The following MDGA2 variants were observed in gnomAD, a reference collection of about 807,000 sequenced individuals.
MDGA2 encodes the protein MAM domain containing glycosylphosphatidylinositol anchor 2.
A neutral mutation model predicts 117.8 loss-of-function variants in MDGA2; 40 were observed. The observed-to-expected ratio is 0.34, with a 90% CI of 0.26 to 0.44. The LOEUF is 0.44. Ranked by LOEUF, MDGA2 falls within the 20% of genes least tolerant of loss-of-function variation. The pLI is 1.00. For missense variants in MDGA2, 1,123 were observed against 1,250.6 expected (o/e 0.90, Z 1.54); for synonymous variants, 452 against 439.0 (o/e 1.03, Z -0.37).
At chr14:47,651,285 T>C (rs1029073266) in intron 1 of MDGA2, among the ~76,000 whole-genome samples, 47 of 151,974 alleles carry the variant, frequency 3.1e-4, no homozygotes, top group African/African-American at 1.1e-3. Context: ...CATATCCTAT[T>C]GGTTCTGTTT....
At chr14:47,349,510 C>T (rs947700430) in intron 1 of MDGA2, among the ~76,000 whole-genome samples, 2 of 152,146 alleles carry the variant, frequency 1.3e-5, no homozygotes, top group Admixed American at 6.5e-5. Context: ...TCCCTATTTA[C>T]AAAATTATAT....
intron 1 of MDGA2, among the ~76,000 whole-genome samples, chr14:47,506,501 T>C (rs1035277894): frequency 6.6e-6 from 1 of 152,162 alleles, no homozygotes; most frequent in African/African-American, 2.4e-5. Context: ...TCTTTTCCTT[T>C]ATAGGCTGGA....
chr14:47,485,482 A>G lies in MDGA2; in HGVS notation c.281-183932T>C, dbSNP rs1894041001. Among the ~76,000 whole-genome samples, 4 of 152,216 alleles carry G rather than the reference A, an allele frequency of 2.6e-5. No individual in the cohort carries two copies. In the South Asian group the frequency reaches 8.3e-4, roughly 31 times the overall value. ...GCAGCCTAACAATGCAATAGGAAAG[A>G]AAATCCCATTTTCTGAGGAGAAATT... On this transcript the variant is annotated intron_variant, in intron 1 of 16. Transcript: ENST00000399232.
chr14:47,262,604 A>G lies in MDGA2; in HGVS notation c.420+38807T>C, dbSNP rs143718117. Among the ~76,000 whole-genome samples the G allele has an allele frequency of 8.2e-4, 125 of 152,302 alleles. 2 individuals carry two copies. The East Asian group carries it at 0.022, about 26-fold the overall frequency. ...TGAATTTGCTTGGGCAACACCATCTAGGCCATCAATCTGAAGAATAGAAGT... is the reference window on the plus strand; with the variant it reads ...TGAATTTGCTTGGGCAACACCATCTGGGCCATCAATCTGAAGAATAGAAGT... On this transcript the variant is annotated intron_variant, in intron 2 of 16. Transcript: ENST00000399232.
At chr14:47,668,797 T>G (rs1376727303) in intron 1 of MDGA2, among the ~76,000 whole-genome samples, 2 of 152,208 alleles carry the variant, frequency 1.3e-5, no homozygotes, top group Non-Finnish European at 2.9e-5. Flanking sequence ...CTTATTTAAC[T>G]GAGATGACAG....
At position 47,096,929 on chromosome 14, in the gene MDGA2, C is replaced by A. The variant is rs772428387; in HGVS notation, c.1120G>T (p.Ala374Ser). 4.3e-6 allele frequency: 7 copies of A among 1,613,340 alleles called. No homozygotes were observed. In the East Asian group the frequency reaches 1.6e-4, roughly 36 times the overall value. ...LTIPAITSDD[A>S]GTYSCIANNN... ...TTGGCAATGCAGCTGTAAGTACCAGCATCATCTGAGGTGATGGCAGGTATG... is the reference window on the plus strand; with the variant it reads ...TTGGCAATGCAGCTGTAAGTACCAGAATCATCTGAGGTGATGGCAGGTATG... Residue 374 changes from alanine to serine, a missense_variant, in exon 6 of 17, where the codon GCT becomes TCT. Ala to Ser is a moderately conservative substitution (Grantham distance 99). Coordinates refer to ENST00000399232, the MANE Select transcript of MDGA2 (RefSeq NM_001113498.3).
Position 47,674,931 on chromosome 14 carries a change from G to A in MDGA2, c.-135C>T. On this transcript the variant is annotated 5_prime_UTR_variant, in exon 1 of 17. Coordinates refer to ENST00000399232, the MANE Select transcript of MDGA2 (RefSeq NM_001113498.3). ...CGGGGAGGAGCAGGGGGCGGTGATG[G>A]GAAGGGGAGCTGCGAGGCGAAGTGT... 2.0e-6 allele frequency: 1 copy of A among 511,204 alleles called. No individual in the cohort carries two copies. The highest frequency in any genetic ancestry group is 3.4e-6 in the Non-Finnish European group (1 of 294,648). 31.7% of individuals were successfully genotyped at this position (511,204 alleles called of 1,614,324 possible).
intron 3 of MDGA2, among the ~76,000 whole-genome samples, chr14:47,145,157 C>G (rs533474725): frequency 3.3e-5 from 5 of 152,138 alleles, no homozygotes; most frequent in African/African-American, 1.2e-4. Flanking sequence ...GTTTCTATTA[C>G]TGGATATTGG....
chr14:46,872,928 T>C (rs1012631016), intron 14 of MDGA2, among the ~76,000 whole-genome samples: 2 of 151,946 alleles, frequency 1.3e-5, no homozygotes, highest in Non-Finnish European at 2.9e-5. Context: ...TTTATCTTTG[T>C]ATGCTGTGCA....
intron 8 of MDGA2, among the ~76,000 whole-genome samples, chr14:46,961,549 T>C (rs530417042): frequency 6.6e-6 from 1 of 152,332 alleles, no homozygotes; most frequent in Non-Finnish European, 1.5e-5. Flanking sequence ...TTTGTATACC[T>C]GCACACCACT....
chr14:47,072,134 G>T (rs1890314125), intron 6 of MDGA2, among the ~76,000 whole-genome samples: 3 of 139,150 alleles, frequency 2.2e-5, no homozygotes, highest in Non-Finnish European at 4.6e-5. Flanking sequence ...ATTATATGTT[G>T]CAGGTACATG....
At chr14:46,915,777 T>C (rs986370206) in intron 10 of MDGA2, among the ~76,000 whole-genome samples, 14 of 152,096 alleles carry the variant, frequency 9.2e-5, no homozygotes, top group Non-Finnish European at 8.8e-5. Flanking sequence ...GCGGGGGACA[T>C]GTGGACTAGA....
Position 47,357,037 on chromosome 14 carries a change from C to A in MDGA2, c.281-55487G>T, listed in dbSNP as rs535908239. On this transcript the variant is annotated intron_variant, in intron 1 of 16. Coordinates refer to ENST00000399232, the MANE Select transcript of MDGA2 (RefSeq NM_001113498.3). ...TACTTAGCGGAGATTTGTGGAGAATCCTTATCTTCTCAGTGTTATGAGACT... is the reference window on the plus strand; with the variant it reads ...TACTTAGCGGAGATTTGTGGAGAATACTTATCTTCTCAGTGTTATGAGACT... Among the ~76,000 whole-genome samples, 10 of 152,268 alleles carry A rather than the reference C, an allele frequency of 6.6e-5. No homozygotes were observed. In the East Asian group the frequency reaches 1.7e-3, roughly 26 times the overall value.
intron 6 of MDGA2, among the ~76,000 whole-genome samples, chr14:47,077,420 C>G (rs1480736301): frequency 1.3e-5 from 2 of 152,054 alleles, no homozygotes; most frequent in Admixed American, 6.6e-5. Flanking sequence ...CTTTTCATAG[C>G]TGTATTACTG....
intron 15 of MDGA2, among the ~76,000 whole-genome samples, chr14:46,850,705 C>T (rs1881024049): frequency 1.3e-5 from 2 of 152,012 alleles, no homozygotes; most frequent in South Asian, 2.1e-4. Flanking sequence ...GTAGCCTTGG[C>T]TTTTTCCCTG....
At chr14:47,622,619 G>T (rs75487071) in intron 1 of MDGA2, among the ~76,000 whole-genome samples, 11,992 of 151,948 alleles carry the variant, frequency 0.079, 475 homozygotes, top group Middle Eastern at 0.099. Context: ...GGTGGGGGAC[G>T]AAAGCTGATC....
At chr14:47,421,891 T>C (rs1892587141) in intron 1 of MDGA2, among the ~76,000 whole-genome samples, 1 of 152,202 alleles carries the variant, frequency 6.6e-6, no homozygotes, top group East Asian at 1.9e-4. Flanking sequence ...GATCATCTGC[T>C]AATTGTGTTG....
chr14:46,964,919 C>CTTTTTTTCTTTTTT (rs1885957321), intron 8 of MDGA2, among the ~76,000 whole-genome samples: 1 of 89,814 alleles, frequency 1.1e-5, no homozygotes, highest in Non-Finnish European at 2.0e-5. Context: ...TATATATTTA[C>CTTTTTTTCTTTTTT]TTTTTTTTTT....
intron 8 of MDGA2, among the ~76,000 whole-genome samples, chr14:47,030,450 G>A (rs1888622272): frequency 6.6e-6 from 1 of 151,970 alleles, no homozygotes; most frequent in Non-Finnish European, 1.5e-5. Flanking sequence ...GGAGGCGGAA[G>A]TTGTGGTGAG....
Sources: allele counts gnomAD v4.1 joint callset (sites outside exome capture counted in the v4.1 genomes callset), GRCh38; gene constraint gnomAD v4.1.1; transcripts MANE v1.5; gene names NCBI Gene and HGNC (gene_info 2026-07-23, HGNC 2026-07-21).